The following DUSP29 variants were observed in gnomAD, a reference collection of about 807,000 sequenced individuals.
The protein encoded by DUSP29 is atypical dual-specific protein phosphatase.
A neutral mutation model predicts 13.5 loss-of-function variants in DUSP29; 12 were observed. The observed-to-expected ratio is 0.89, with a 90% CI of 0.57 to 1.44. The LOEUF (loss-of-function observed/expected upper bound fraction) is 1.44, where lower values mean the gene tolerates loss of function less well. DUSP29 is among the 40% of genes most tolerant of loss of function. DUSP29 has a pLI of 0.00. For synonymous variants in DUSP29, 134 were observed against 128.7 expected (o/e 1.04, Z -0.28); for missense variants, 308 against 301.1 (o/e 1.02, Z -0.17).
intron 2 of DUSP29, among the ~76,000 whole-genome samples, chr10:75,050,768 C>A (rs937247421): frequency 1.3e-5 from 2 of 152,246 alleles, no homozygotes; most frequent in African/African-American, 4.8e-5. Context: ...GGTGGCTACA[C>A]CTTGTGTGAA....
chr10:75,049,593 G>T (rs1397207034), intron 2 of DUSP29, among the ~76,000 whole-genome samples: 2 of 152,212 alleles, frequency 1.3e-5, no homozygotes, highest in East Asian at 3.8e-4. Context: ...GTTATTTCAG[G>T]TAACGCCCAG....
intron 1 of DUSP29, among the ~76,000 whole-genome samples, chr10:75,059,271 C>T (rs1385575325): frequency 6.6e-6 from 1 of 152,142 alleles, no homozygotes; most frequent in Non-Finnish European, 1.5e-5. Context: ...GCTTGTTAGG[C>T]TCTGCCAGTG....
At chr10:75,072,379 T>C (rs2134311995) in intron 1 of DUSP29, among the ~76,000 whole-genome samples, 1 of 152,234 alleles carries the variant, frequency 6.6e-6, no homozygotes, top group East Asian at 1.9e-4. Flanking sequence ...AGCTGGGTAC[T>C]GAACAAGCGA....
rs1038954377 is a variant in DUSP29 at position 75,037,555 on chromosome 10, C to T, written c.*281G>A. On this transcript the variant is annotated 3_prime_UTR_variant, in exon 4 of 4. Transcript: ENST00000338487. Reference sequence around the variant, plus strand: ...TCCCTCTTCCTTCTCACCAAAAAAACAAAACCAAAGCAGGAGACTTGGTGC... The same window carrying T: ...TCCCTCTTCCTTCTCACCAAAAAAATAAAACCAAAGCAGGAGACTTGGTGC... 6.6e-6 allele frequency among the ~76,000 whole-genome samples: 1 copy of T among 152,156 alleles called. No homozygotes were observed. Among genetic ancestry groups the T allele is most frequent in the African/African-American group, 2.4e-5 (1 of 41,422 alleles).
intron 2 of DUSP29, among the ~76,000 whole-genome samples, chr10:75,052,082 T>C (rs1311599394): frequency 6.6e-6 from 1 of 152,128 alleles, no homozygotes; most frequent in Non-Finnish European, 1.5e-5. Context: ...ACATTTTCCA[T>C]TTTCTTGGTT....
chr10:75,060,485 A>C (rs1034693682), intron 1 of DUSP29, among the ~76,000 whole-genome samples: 7 of 144,784 alleles, frequency 4.8e-5, no homozygotes, highest in Middle Eastern at 3.5e-3. Context: ...AAAAAAAAAA[A>C]CCCAAAACTT....
Position 75,058,556 on chromosome 10 carries a change from TGA to T in DUSP29, c.-34-10_-34-9del. The T allele has an allele frequency of 1.9e-6, 3 of 1,608,898 alleles. No individual in the cohort carries two copies. Among genetic ancestry groups the T allele is most frequent in the Non-Finnish European group, 2.5e-6 (3 of 1,177,912 alleles). ...TTTCTCTCCTTTCTGCAGCTGGTTATGAGAGAGAAGCAGGATGGGGGTTAGCA... is the reference window on the plus strand; with the variant it reads ...TTTCTCTCCTTTCTGCAGCTGGTTATGAGAGAAGCAGGATGGGGGTTAGCA... On this transcript the variant is annotated splice_polypyrimidine_tract_variant and intron_variant, in intron 1 of 3. Coordinates refer to ENST00000338487, the MANE Select transcript of DUSP29 (RefSeq NM_001003892.3).
At chr10:75,054,659 C>T (rs1439376102) in intron 2 of DUSP29, among the ~76,000 whole-genome samples, 1 of 152,066 alleles carries the variant, frequency 6.6e-6, no homozygotes. Context: ...AGCAATCTTT[C>T]TTACATTTAT....
chr10:75,059,957 A>G (rs1246552848), intron 1 of DUSP29, among the ~76,000 whole-genome samples: 1 of 152,010 alleles, frequency 6.6e-6, no homozygotes, highest in African/African-American at 2.4e-5. Flanking sequence ...TCAGGAGTTC[A>G]AGACCAGACT....
chr10:75,062,196 A>C (rs757259752), intron 1 of DUSP29, among the ~76,000 whole-genome samples: 4 of 152,228 alleles, frequency 2.6e-5, no homozygotes, highest in Non-Finnish European at 4.4e-5. Flanking sequence ...CAGTGTCTAA[A>C]GGTGTGAAGC....
At chr10:75,038,232 C>T (rs978401205) in intron 3 of DUSP29, among the ~76,000 whole-genome samples, 155 bp from the exon 4 acceptor site, 11 of 152,148 alleles carry the variant, frequency 7.2e-5, no homozygotes, top group Admixed American at 1.3e-4. Context: ...GGGACACTCT[C>T]GGTGTCTTCT....
intron 3 of DUSP29, among the ~76,000 whole-genome samples, chr10:75,043,394 G>A (rs964561530): frequency 3.9e-5 from 6 of 152,170 alleles, no homozygotes; most frequent in Admixed American, 6.5e-5. Context: ...GACCGCCTCC[G>A]CCTTTTGAAG....
intron 1 of DUSP29, 90 bp from the exon 2 acceptor site, chr10:75,058,638 C>A: frequency 8.7e-7 from 1 of 1,154,728 alleles, no homozygotes; most frequent in Non-Finnish European, 1.2e-6. Flanking sequence ...ATAAGCTTAT[C>A]TTAAAATTTG....
At chr10:75,055,925 T>C (rs1228958117) in intron 2 of DUSP29, among the ~76,000 whole-genome samples, 1 of 152,166 alleles carries the variant, frequency 6.6e-6, no homozygotes, top group Non-Finnish European at 1.5e-5. Flanking sequence ...TTTGTTTGTT[T>C]TGGAGACAAA....
intron 2 of DUSP29, among the ~76,000 whole-genome samples, chr10:75,049,449 C>T (rs368866271): frequency 2.6e-5 from 4 of 152,336 alleles, no homozygotes; most frequent in East Asian, 1.9e-4. Context: ...TTGCTTGAGG[C>T]CTTGACTGCT....
intron 3 of DUSP29, among the ~76,000 whole-genome samples, 188 bp from the exon 4 acceptor site, chr10:75,038,265 A>G (rs929636346): frequency 8.5e-5 from 13 of 152,196 alleles, no homozygotes; most frequent in African/African-American, 3.1e-4. Context: ...TGAGAAGGCA[A>G]ATAACCCTGT....
intron 1 of DUSP29, among the ~76,000 whole-genome samples, chr10:75,061,780 T>G (rs1847093538): frequency 6.6e-6 from 1 of 152,074 alleles, no homozygotes; most frequent in Admixed American, 6.6e-5. Flanking sequence ...CTCTGTAGCC[T>G]TGGTGTCTGG....
intron 2 of DUSP29, among the ~76,000 whole-genome samples, chr10:75,049,642 C>T (rs887586577): frequency 5.9e-5 from 9 of 152,208 alleles, no homozygotes; most frequent in Non-Finnish European, 1.2e-4. Context: ...TTTGCTGCAT[C>T]CTAAACTGGC....
intron 2 of DUSP29, among the ~76,000 whole-genome samples, chr10:75,049,060 TTA>T (rs1386607686): frequency 2.6e-5 from 4 of 152,214 alleles, no homozygotes; most frequent in African/African-American, 7.2e-5. Context: ...GTGGAAAGAT[TTA>T]TGTCAGAATG....
Sources: gnomAD v4.1 joint callset for allele counts (sites outside exome capture counted in the v4.1 genomes callset) on GRCh38, gnomAD v4.1.1 for gene constraint, MANE v1.5 for transcripts, NCBI Gene and HGNC (gene_info 2026-07-23, HGNC 2026-07-21) for gene names.